The following MECOM variants were observed in gnomAD, a reference collection of about 807,000 sequenced individuals.
MECOM encodes histone-lysine N-methyltransferase MECOM.
A neutral mutation model predicts 116.3 loss-of-function variants in MECOM; 13 were observed. The observed-to-expected ratio is 0.11, with a 90% CI of 0.07 to 0.18. The LOEUF (loss-of-function observed/expected upper bound fraction) is 0.18, where lower values mean the gene tolerates loss of function less well. Among genes scored for constraint, MECOM ranks in the 10% least tolerant of loss-of-function variants. The pLI is 1.00. For synonymous variants in MECOM, 528 were observed against 535.2 expected (o/e 0.99, Z 0.19); for missense variants, 1,299 against 1,509.0 (o/e 0.86, Z 2.31).
intron 2 of MECOM, among the ~76,000 whole-genome samples, chr3:169,191,699 GAAAA>G (rs1485590234): frequency 1.3e-5 from 1 of 74,974 alleles, no homozygotes; most frequent in Non-Finnish European, 2.5e-5. Flanking sequence ...AAAAGAGATA[GAAAA>G]GAAAGAAAGA....
intron 1 of MECOM, among the ~76,000 whole-genome samples, chr3:169,605,672 A>G (rs946210148): frequency 3.3e-5 from 5 of 152,208 alleles, no homozygotes; most frequent in Admixed American, 6.5e-5. Flanking sequence ...ATGCAGTACC[A>G]CTAAGAACCT....
intron 14 of MECOM, among the ~76,000 whole-genome samples, chr3:169,092,437 T>A (rs1191242521): frequency 6.6e-6 from 1 of 151,930 alleles, no homozygotes; most frequent in East Asian, 1.9e-4. Context: ...ATATACAGAA[T>A]ATACATATAT....
intron 1 of MECOM, among the ~76,000 whole-genome samples, chr3:169,621,572 C>T (rs750453949): frequency 1.3e-5 from 2 of 152,184 alleles, no homozygotes; most frequent in Admixed American, 1.3e-4. Context: ...GCCTGGCCAA[C>T]ATGGTGAAGC....
In MECOM at chr3:169,488,021, C is replaced by G. The variant is rs541681482; in HGVS notation, c.38-106497G>C. 2.0e-4 allele frequency among the ~76,000 whole-genome samples: 31 copies of G among 152,114 alleles called. No individual in the cohort carries two copies. The South Asian group carries it at 5.8e-3, about 29-fold the overall frequency. ...ATTGGAATTTATTTATTCCAATAGG[C>G]TTACTGGAATTTATAGTTTAACTTC... On this transcript the variant is annotated intron_variant, in intron 1 of 16. Transcript: ENST00000651503.
At chr3:169,439,598 G>A (rs1163341330) in intron 1 of MECOM, among the ~76,000 whole-genome samples, 1 of 152,022 alleles carries the variant, frequency 6.6e-6, no homozygotes, top group Non-Finnish European at 1.5e-5. Context: ...ATACCAAGTG[G>A]TATAAACATG....
intron 1 of MECOM, among the ~76,000 whole-genome samples, chr3:169,481,168 C>G (rs995497996): frequency 2.0e-5 from 3 of 152,166 alleles, no homozygotes; most frequent in Non-Finnish European, 4.4e-5. Context: ...GAACACAAAT[C>G]TACTAATGTG....
At chr3:169,380,386 A>G (rs1287467034) in intron 2 of MECOM, among the ~76,000 whole-genome samples, 1 of 132,668 alleles carries the variant, frequency 7.5e-6, no homozygotes, top group African/African-American at 2.9e-5. Context: ...ACAGAAATAA[A>G]TGGAAAGTAT....
chr3:169,506,856 G>A (rs1004794165), intron 1 of MECOM, among the ~76,000 whole-genome samples: 1 of 152,156 alleles, frequency 6.6e-6, no homozygotes, highest in African/African-American at 2.4e-5. Context: ...CTCTGCCTTT[G>A]AACAGTGTGT....
rs1389982386 is a variant in MECOM, at chr3:169,324,999, C to G, written c.375+56188G>C. Among the ~76,000 whole-genome samples, 4 of 152,200 alleles carry G rather than the reference C, an allele frequency of 2.6e-5. No homozygotes were observed. In the East Asian group the frequency reaches 7.7e-4, roughly 29 times the overall value. On this transcript the variant is annotated intron_variant, in intron 2 of 16. Coordinates refer to ENST00000651503, the MANE Select transcript of MECOM (RefSeq NM_004991.4). ...TAACAGCTCTTCACACTACTCACAG[C>G]TCATATTTTCCAGGCAGCAGAGTAC...
intron 1 of MECOM, among the ~76,000 whole-genome samples, chr3:169,522,199 C>A (rs972718801): frequency 6.6e-6 from 1 of 152,202 alleles, no homozygotes; most frequent in Non-Finnish European, 1.5e-5. Context: ...TCATGTAGCT[C>A]ATGTTCATGC....
chr3:169,089,766 T>C (rs1719054577), intron 15 of MECOM, among the ~76,000 whole-genome samples: 1 of 152,144 alleles, frequency 6.6e-6, no homozygotes, highest in Admixed American at 6.6e-5. Flanking sequence ...TCATTTTATC[T>C]TTCCCACCTC....
chr3:169,361,858 G>T (rs1052246451), intron 2 of MECOM, among the ~76,000 whole-genome samples: 1 of 151,712 alleles, frequency 6.6e-6, no homozygotes, highest in African/African-American at 2.4e-5. Context: ...CCCCGAGAAA[G>T]AATGCAGTTC....
At chr3:169,556,388 G>A (rs966782056) in intron 1 of MECOM, among the ~76,000 whole-genome samples, 4 of 152,172 alleles carry the variant, frequency 2.6e-5, no homozygotes, top group Non-Finnish European at 5.9e-5. Context: ...ATACTTGAAT[G>A]ACTTTGTTGA....
chr3:169,423,175 G>C (rs1740053261), intron 1 of MECOM, among the ~76,000 whole-genome samples: 1 of 152,028 alleles, frequency 6.6e-6, no homozygotes, highest in South Asian at 2.1e-4. Flanking sequence ...CATACTTTGA[G>C]TAGCAAGACT....
intron 2 of MECOM, among the ~76,000 whole-genome samples, chr3:169,235,889 C>A (rs1335633459): frequency 1.3e-5 from 2 of 149,038 alleles, no homozygotes; most frequent in Non-Finnish European, 1.5e-5. Context: ...AAAAAAGGGA[C>A]AGACGCTCCT....
chr3:169,494,576 C>T (rs749357727), intron 1 of MECOM, among the ~76,000 whole-genome samples: 1 of 152,172 alleles, frequency 6.6e-6, no homozygotes. Flanking sequence ...TCAAAACACC[C>T]CATTGAATAC....
chr3:169,149,315 G>T (rs1385708331), intron 2 of MECOM, among the ~76,000 whole-genome samples: 1 of 152,114 alleles, frequency 6.6e-6, no homozygotes, highest in Non-Finnish European at 1.5e-5. Context: ...CTTTCAAAAC[G>T]AGGAAACGTC....
intron 1 of MECOM, among the ~76,000 whole-genome samples, chr3:169,562,312 G>T (rs780546689): frequency 6.6e-6 from 1 of 152,040 alleles, no homozygotes; most frequent in East Asian, 1.9e-4. Context: ...ATAAACAGTG[G>T]TTAGAACTGA....
At position 169,380,387 on chromosome 3, in the gene MECOM, T is replaced by C. The variant is rs139160812; in HGVS notation, c.375+800A>G. Reference sequence around the variant, plus strand: ...AAAGTTTTCAAGTTACAGAAATAAATGGAAAGTATATATATCTACTGAATC... The same window carrying C: ...AAAGTTTTCAAGTTACAGAAATAAACGGAAAGTATATATATCTACTGAATC... On this transcript the variant is annotated intron_variant, in intron 2 of 16. Transcript: ENST00000651503. 2.9e-3 allele frequency among the ~76,000 whole-genome samples: 382 copies of C among 132,370 alleles called. 4 individuals carry two copies. The highest frequency in any genetic ancestry group is 0.011 in the African/African-American group (368 of 34,684). 86.8% of individuals were successfully genotyped at this position (132,370 alleles called of 152,430 possible). A position where few individuals can be genotyped will look rare whatever the true frequency, so the allele number is the denominator to read the frequency against.
Sources: allele counts gnomAD v4.1 joint callset (sites outside exome capture counted in the v4.1 genomes callset), GRCh38; gene constraint gnomAD v4.1.1; transcripts MANE v1.5; gene names NCBI Gene and HGNC (gene_info 2026-07-23, HGNC 2026-07-21).